The following AGPAT5 variants were observed in gnomAD, a reference collection of about 807,000 sequenced individuals.
AGPAT5 encodes 1-acyl-sn-glycerol-3-phosphate acyltransferase epsilon.
In AGPAT5, 46 loss-of-function variants were observed where a neutral mutation model predicts 45.6. The ratio of observed to expected loss-of-function variants is 1.01; its 90% CI spans 0.80 to 1.29. The LOEUF (loss-of-function observed/expected upper bound fraction) is 1.29. Ranked by LOEUF, AGPAT5 falls within the 50% of genes most tolerant of loss-of-function variation. The probability of loss-of-function intolerance (pLI) is 0.00; values close to 1 mark genes in which losing one functional copy is unlikely to be tolerated. For synonymous variants in AGPAT5, 272 were observed against 167.0 expected (o/e 1.63, Z -4.85); for missense variants, 673 against 450.7 (o/e 1.49, Z -4.47).
chr8:6,731,161 C>G (rs1041107182), intron 3 of AGPAT5, among the ~76,000 whole-genome samples: 12 of 152,230 alleles, frequency 7.9e-5, no homozygotes, highest in African/African-American at 2.6e-4. Context: ...ATACCCAACC[C>G]TATAAAAATG....
At chr8:6,712,958 T>C (rs1800200701) in intron 1 of AGPAT5, among the ~76,000 whole-genome samples, 1 of 152,188 alleles carries the variant, frequency 6.6e-6, no homozygotes, top group Admixed American at 6.5e-5. Flanking sequence ...TCATTGAAAT[T>C]TGTAGGCCAA....
chr8:6,711,148 T>G (rs752663876), intron 1 of AGPAT5, among the ~76,000 whole-genome samples: 5 of 152,196 alleles, frequency 3.3e-5, no homozygotes, highest in Non-Finnish European at 5.9e-5. Context: ...AAATAAGTGG[T>G]TCACAGTAGT....
intron 6 of AGPAT5, among the ~76,000 whole-genome samples, chr8:6,751,869 A>G (rs898520088): frequency 6.6e-6 from 1 of 152,166 alleles, no homozygotes; most frequent in Non-Finnish European, 1.5e-5. Context: ...TTCCATTTCT[A>G]TTAATATTTT....
chr8:6,750,626 A>G (rs1801627099), intron 6 of AGPAT5, among the ~76,000 whole-genome samples: 1 of 152,238 alleles, frequency 6.6e-6, no homozygotes, highest in Non-Finnish European at 1.5e-5. Flanking sequence ...AAGATGACTG[A>G]TAACTAGAAA....
intron 4 of AGPAT5, among the ~76,000 whole-genome samples, chr8:6,737,218 G>T (rs556672826): frequency 6.6e-6 from 1 of 152,126 alleles, no homozygotes; most frequent in African/African-American, 2.4e-5. Flanking sequence ...GTCCCAGGTC[G>T]GGTTTCTAAG....
rs149298201 is a variant in AGPAT5 at position 6,758,380 on chromosome 8, T to C, written c.*992T>C. 1 of 152,818 alleles carries C rather than the reference T, an allele frequency of 6.5e-6. No homozygotes were observed. The highest frequency in any genetic ancestry group is 1.9e-4 in the East Asian group (1 of 5,186). The allele number at this position is 152,818 out of a possible 1,614,324, so 9.5% of individuals were successfully genotyped here. ...TCATTCAGAAGTCGCGTTTCTGTAG[T>C]GTGGTGGATTCCCACTGGGCTCTGG... On this transcript the variant is annotated 3_prime_UTR_variant, in exon 8 of 8. Coordinates refer to ENST00000285518, the MANE Select transcript of AGPAT5 (RefSeq NM_018361.5).
intron 5 of AGPAT5, among the ~76,000 whole-genome samples, chr8:6,744,535 CTGTACGGGGTCCTGTGCTT>C (rs1409544385): frequency 3.3e-5 from 5 of 152,172 alleles, no homozygotes; most frequent in Admixed American, 1.3e-4. Context: ...TCTTGTTCTC[CTGTACGGGGTCCTGTGCTT>C]GGTTCGGGGT....
chr8:6,749,650 A>G (rs1182592296), intron 6 of AGPAT5, among the ~76,000 whole-genome samples: 4 of 152,054 alleles, frequency 2.6e-5, no homozygotes, highest in Non-Finnish European at 5.9e-5. Flanking sequence ...GCATATTAAT[A>G]TTTTTCTCTT....
intron 4 of AGPAT5, among the ~76,000 whole-genome samples, chr8:6,740,369 A>G (rs1363354792): frequency 1.3e-5 from 2 of 151,688 alleles, no homozygotes; most frequent in African/African-American, 2.4e-5. Context: ...TCTAGTTGCT[A>G]TAATATAATA....
At chr8:6,734,979 C>A (rs1179010599) in intron 4 of AGPAT5, among the ~76,000 whole-genome samples, 3 of 152,108 alleles carry the variant, frequency 2.0e-5, no homozygotes, top group Non-Finnish European at 4.4e-5. Context: ...TGCCTTTCCC[C>A]ACTATACTTC....
chr8:6,714,451 A>G (rs981745844), intron 1 of AGPAT5, among the ~76,000 whole-genome samples: 12 of 152,248 alleles, frequency 7.9e-5, no homozygotes, highest in African/African-American at 2.4e-4. Context: ...AAATGTAACT[A>G]GAACTCTATT....
At chr8:6,753,424 G>A (rs763941862) in intron 6 of AGPAT5, among the ~76,000 whole-genome samples, 12 of 152,136 alleles carry the variant, frequency 7.9e-5, no homozygotes, top group African/African-American at 1.4e-4. Context: ...AATTGGTGTC[G>A]GAATCTGTCT....
chr8:6,742,714 T>A (rs1801280303), intron 5 of AGPAT5, among the ~76,000 whole-genome samples: 1 of 152,340 alleles, frequency 6.6e-6, no homozygotes, highest in African/African-American at 2.4e-5. Flanking sequence ...AGGGGGAGTT[T>A]TTACAAGGTG....
At chr8:6,716,471 G>C (rs1800332991) in intron 1 of AGPAT5, among the ~76,000 whole-genome samples, 1 of 152,028 alleles carries the variant, frequency 6.6e-6, no homozygotes. Context: ...TGAGGTGGGA[G>C]AATCACTTGA....
intron 1 of AGPAT5, among the ~76,000 whole-genome samples, chr8:6,720,427 G>A (rs1007357451): frequency 4.6e-5 from 7 of 152,130 alleles, no homozygotes; most frequent in African/African-American, 1.7e-4. Context: ...TTGTCAAGGG[G>A]CGTTACCACA....
At chr8:6,734,776 A>G (rs1468890421) in intron 4 of AGPAT5, among the ~76,000 whole-genome samples, 1 of 151,864 alleles carries the variant, frequency 6.6e-6, no homozygotes, top group Non-Finnish European at 1.5e-5. Flanking sequence ...AGTGTTGAGG[A>G]GTGGAGTCAG....
intron 4 of AGPAT5, among the ~76,000 whole-genome samples, chr8:6,740,786 C>T (rs1801222616): frequency 6.6e-6 from 1 of 151,992 alleles, no homozygotes; most frequent in Non-Finnish European, 1.5e-5. Flanking sequence ...TGTCTGAGTA[C>T]TGTCTGAGAT....
At position 6,711,798 on chromosome 8, in the gene AGPAT5, T is replaced by A. The variant is rs185924290; in HGVS notation, c.219+2911T>A. On this transcript the variant is annotated intron_variant, in intron 1 of 7. Transcript: ENST00000285518. ...TGGCATTCCTTGGCTTGGGGCCCCA[T>A]CACTTTAACCTCTGCCTTACAGTCC... is the stretch of plus-strand genomic sequence containing the variant. Among the ~76,000 whole-genome samples, 153 of 152,270 alleles carry A rather than the reference T, an allele frequency of 1.0e-3. 2 individuals are homozygous for A. The highest frequency in any genetic ancestry group is 4.6e-4 in the Admixed American group (7 of 15,294).
intron 1 of AGPAT5, among the ~76,000 whole-genome samples, chr8:6,713,233 G>A (rs1800212774): frequency 6.6e-6 from 1 of 152,156 alleles, no homozygotes; most frequent in Non-Finnish European, 1.5e-5. Context: ...GCCTCCCAAA[G>A]TGCTGGGATT....
Sources: gnomAD v4.1 joint callset for allele counts (sites outside exome capture counted in the v4.1 genomes callset) on GRCh38, gnomAD v4.1.1 for gene constraint, MANE v1.5 for transcripts, NCBI Gene and HGNC (gene_info 2026-07-23, HGNC 2026-07-21) for gene names.